ASAP1: variants seen among roughly 807,000 people sequenced by gnomAD.
The protein encoded by ASAP1 is ArfGAP with SH3 domain, ankyrin repeat and PH domain 1.
ASAP1 carries 43 observed loss-of-function variants against 145.2 expected under a neutral mutation model. The observed-to-expected ratio is 0.30, with a 90% CI of 0.23 to 0.38. The LOEUF (loss-of-function observed/expected upper bound fraction) is 0.38. Among genes scored for constraint, ASAP1 ranks in the 10% least tolerant of loss-of-function variants. ASAP1 has a pLI of 1.00. For missense variants in ASAP1, 1,018 were observed against 1,355.3 expected, an observed-to-expected ratio of 0.75 and a Z score of 3.91; for synonymous variants, 546 against 515.5, an observed-to-expected ratio of 1.06 and a Z score of -0.80.
chr8:130,071,834 T>C (rs2097447236), intron 27 of ASAP1, among the ~76,000 whole-genome samples: 1 of 152,208 alleles, frequency 6.6e-6, no homozygotes, highest in Admixed American at 6.5e-5. Flanking sequence ...TTATTAATGA[T>C]TGTGTATATA....
chr8:130,299,778 AGAG>A (rs1476811438), intron 3 of ASAP1, among the ~76,000 whole-genome samples: 7 of 152,358 alleles, frequency 4.6e-5, no homozygotes, highest in African/African-American at 1.7e-4. Flanking sequence ...AAGGCAATTC[AGAG>A]GAGAAAAATA....
chr8:130,380,700 G>GA (rs1194400029), intron 2 of ASAP1, among the ~76,000 whole-genome samples: 1 of 152,158 alleles, frequency 6.6e-6, no homozygotes, highest in Non-Finnish European at 1.5e-5. Context: ...GCAGCCACAG[G>GA]AAAAAAGTTA....
At chr8:130,308,854 C>CTAA (rs1823152013) in intron 3 of ASAP1, among the ~76,000 whole-genome samples, 1 of 151,852 alleles carries the variant, frequency 6.6e-6, no homozygotes, top group East Asian at 1.9e-4. Context: ...CCAGCCTGGC[C>CTAA]AACATGGTAA....
chr8:130,399,479 G>A (rs147571451), intron 2 of ASAP1, among the ~76,000 whole-genome samples: 2 of 152,118 alleles, frequency 1.3e-5, no homozygotes, highest in Non-Finnish European at 2.9e-5. Flanking sequence ...ACATGACTTT[G>A]GGTAATCCTA....
intron 1 of ASAP1, among the ~76,000 whole-genome samples, chr8:130,402,783 C>G (rs531010315): frequency 4.6e-5 from 7 of 152,300 alleles, no homozygotes; most frequent in African/African-American, 1.7e-4. Context: ...CCCACCTCCA[C>G]TGGTCCAGCT....
intron 27 of ASAP1, among the ~76,000 whole-genome samples, chr8:130,063,118 T>C (rs1162021581): frequency 6.6e-6 from 1 of 152,210 alleles, no homozygotes; most frequent in African/African-American, 2.4e-5. Flanking sequence ...AGATGAAAGA[T>C]ATACACTAAC....
At chr8:130,110,566 T>C (rs1485968422) in intron 24 of ASAP1, among the ~76,000 whole-genome samples, 1 of 152,208 alleles carries the variant, frequency 6.6e-6, no homozygotes, top group Non-Finnish European at 1.5e-5. Flanking sequence ...TTTAAAAACA[T>C]ACATTTTAGT....
chr8:130,402,263 A>G (rs1157803380), intron 1 of ASAP1, among the ~76,000 whole-genome samples: 2 of 152,206 alleles, frequency 1.3e-5, no homozygotes, highest in Non-Finnish European at 2.9e-5. Flanking sequence ...TAACTTCTCT[A>G]GACCTAGGCT....
chr8:130,422,240 G>A (rs1486511513), intron 1 of ASAP1, among the ~76,000 whole-genome samples: 1 of 152,146 alleles, frequency 6.6e-6, no homozygotes, highest in Non-Finnish European at 1.5e-5. Context: ...TGGAGGAAGG[G>A]GAGGAAAGGG....
intron 4 of ASAP1, among the ~76,000 whole-genome samples, chr8:130,221,998 T>G (rs1300805048): frequency 6.6e-6 from 1 of 152,224 alleles, no homozygotes; most frequent in Non-Finnish European, 1.5e-5. Context: ...GACACAATGA[T>G]GACAACCATA....
In ASAP1 at chr8:130,251,799, A is replaced by C. The variant is rs1479810628; in HGVS notation, c.187-14805T>G. 2.6e-5 allele frequency among the ~76,000 whole-genome samples: 4 copies of C among 152,342 alleles called. No homozygotes were observed. The East Asian group carries it at 7.7e-4, about 29-fold the overall frequency. On this transcript the variant is annotated intron_variant, in intron 3 of 29. Coordinates refer to ENST00000518721, the MANE Select transcript of ASAP1 (RefSeq NM_018482.4). The stretch of plus-strand genomic sequence containing the variant: ...GCAAGTAATTTCAATTGCACTGATA[A>C]GTTTAAAATTCCACATGGAACAATA...
In ASAP1 at chr8:130,276,728, A is replaced by ACTCTCTCT. The variant is rs10678909; in HGVS notation, c.187-39742_187-39735dup. Among the ~76,000 whole-genome samples, 211 of 87,300 alleles carry ACTCTCTCT rather than the reference A, an allele frequency of 2.4e-3. 2 individuals are homozygous for ACTCTCTCT. Among genetic ancestry groups the ACTCTCTCT allele is most frequent in the African/African-American group, 5.4e-3 (122 of 22,728 alleles). 57.3% of individuals were successfully genotyped at this position (87,300 alleles called of 152,430 possible). A position where few individuals can be genotyped will look rare whatever the true frequency, so the allele number is the denominator to read the frequency against. On this transcript the variant is annotated intron_variant, in intron 3 of 29. Transcript: ENST00000518721. Reference sequence around the variant, plus strand: ...CACACACACACACACACACACACACACTCTCTCTCTCTCTCTCTCTCTCTC... The same window carrying ACTCTCTCT: ...CACACACACACACACACACACACACACTCTCTCTCTCTCTCTCTCTCTCTCTCTCTCTC...
At chr8:130,250,052 A>G (rs1819096644) in intron 3 of ASAP1, among the ~76,000 whole-genome samples, 2 of 152,198 alleles carry the variant, frequency 1.3e-5, no homozygotes, top group Non-Finnish European at 2.9e-5. Flanking sequence ...TAGCATCAAC[A>G]TGGAAATATA....
intron 3 of ASAP1, among the ~76,000 whole-genome samples, chr8:130,298,252 C>CT (rs1822410681): frequency 1.3e-5 from 2 of 152,164 alleles, no homozygotes; most frequent in South Asian, 4.1e-4. Flanking sequence ...CACAAACATG[C>CT]TTTGATTAGT....
rs528162676 is a variant in ASAP1, at chr8:130,094,706, C to A, written c.2402-2563G>T. Among the ~76,000 whole-genome samples, 103 of 152,286 alleles carry A rather than the reference C, an allele frequency of 6.8e-4. No individual in the cohort carries two copies. The Middle Eastern group carries it at 0.01, about 15-fold the overall frequency. On this transcript the variant is annotated intron_variant, in intron 24 of 29. Transcript: ENST00000518721. ...TCCAGGACTGGCGAGGCACTCACCC[C>A]ATCAAATGATGCTGCTGGTTCCTGA... is the stretch of plus-strand genomic sequence containing the variant.
intron 20 of ASAP1, among the ~76,000 whole-genome samples, 167 bp downstream of exon 20, chr8:130,117,994 T>C (rs1301805151): frequency 6.6e-6 from 1 of 152,234 alleles, no homozygotes; most frequent in African/African-American, 2.4e-5. Flanking sequence ...CAGAAGTGAA[T>C]AGCTCTGACA....
chr8:130,440,504 C>CAAA (rs1306930658), intron 1 of ASAP1, among the ~76,000 whole-genome samples: 4 of 111,712 alleles, frequency 3.6e-5, no homozygotes, highest in East Asian at 2.5e-4. Context: ...TAGACTCTGT[C>CAAA]AAAAAAAAAA....
chr8:130,376,744 A>T (rs1827514263), intron 2 of ASAP1, among the ~76,000 whole-genome samples: 1 of 151,816 alleles, frequency 6.6e-6, no homozygotes, highest in Non-Finnish European at 1.5e-5. Context: ...AAATAAATAA[A>T]TAAAATAAAT....
intron 3 of ASAP1, among the ~76,000 whole-genome samples, chr8:130,311,599 TA>T (rs1170675787): frequency 6.6e-6 from 1 of 151,870 alleles, no homozygotes; most frequent in East Asian, 1.9e-4. Context: ...CTGTCTCTAC[TA>T]AAAATACAAA....
Sources: gnomAD v4.1 joint callset for allele counts (sites outside exome capture counted in the v4.1 genomes callset) on GRCh38, gnomAD v4.1.1 for gene constraint, MANE v1.5 for transcripts, NCBI Gene and HGNC (gene_info 2026-07-23, HGNC 2026-07-21) for gene names.